The following PRKAR1A variants were observed in gnomAD, a reference collection of about 807,000 sequenced individuals.
PRKAR1A encodes cAMP-dependent protein kinase type I-alpha regulatory subunit.
Under a neutral mutation model 52.0 loss-of-function variants are expected in PRKAR1A, and 3 were observed. The observed-to-expected ratio is 0.06, with a 90% CI of 0.03 to 0.15. The LOEUF is 0.15. PRKAR1A is among the 10% of genes least tolerant of loss of function. The probability of loss-of-function intolerance (pLI) is 1.00; values close to 1 mark genes in which losing one functional copy is unlikely to be tolerated. For synonymous variants in PRKAR1A, 188 were observed against 168.4 expected (o/e 1.12, Z -0.90); for missense variants, 240 against 477.4 (o/e 0.50, Z 4.63).
the PRKAR1A span, among the ~76,000 whole-genome samples, chr17:68,458,094 A>G: frequency 3.3e-5 from 5 of 152,242 alleles, no homozygotes; most frequent in African/African-American, 4.8e-5. Flanking sequence ...CGAGTCCTCA[A>G]GCCGCATTGA....
chr17:68,478,696 AC>A, the PRKAR1A span, among the ~76,000 whole-genome samples: 2 of 150,196 alleles, frequency 1.3e-5, no homozygotes, highest in African/African-American at 4.9e-5. Context: ...GGTGTGTTAA[AC>A]CCTATGGTTT....
chr17:68,430,123 C>G, the PRKAR1A span: 23 of 1,613,916 alleles, frequency 1.4e-5, no homozygotes, highest in Non-Finnish European at 1.9e-5. Flanking sequence ...AACATCTTTC[C>G]CATGTAGCCA....
At chr17:68,505,197 C>T in the PRKAR1A span, among the ~76,000 whole-genome samples, 2 of 152,196 alleles carry the variant, frequency 1.3e-5, no homozygotes, top group Non-Finnish European at 2.9e-5. Flanking sequence ...ACTTGGGAGG[C>T]TGAGGTGGGA....
the PRKAR1A span, among the ~76,000 whole-genome samples, chr17:68,479,640 GTCTTT>G: frequency 1.3e-5 from 2 of 152,030 alleles, no homozygotes; most frequent in Non-Finnish European, 2.9e-5. Context: ...AATTTTATCA[GTCTTT>G]TCTTCAAATT....
At chr17:68,501,515 G>A in the PRKAR1A span, among the ~76,000 whole-genome samples, 3 of 152,290 alleles carry the variant, frequency 2.0e-5, no homozygotes, top group South Asian at 6.2e-4. Flanking sequence ...GAGTGCAGTG[G>A]TATAATCATG....
At chr17:68,420,117 C>A in the PRKAR1A span, 9 of 1,529,658 alleles carry the variant, frequency 5.9e-6, no homozygotes, top group South Asian at 1.2e-5. Context: ...TAGAATCACT[C>A]GCAGCTCTCG....
chr17:68,433,508 C>T, the PRKAR1A span: 175 of 1,613,958 alleles, frequency 1.1e-4, no homozygotes, highest in Middle Eastern at 4.1e-3. Flanking sequence ...TGTACCGTCT[C>T]GGTGTTACTG....
At chr17:68,434,345 C>T in the PRKAR1A span, among the ~76,000 whole-genome samples, 6 of 152,312 alleles carry the variant, frequency 3.9e-5, no homozygotes, top group South Asian at 4.1e-4. Flanking sequence ...GGGACTCTCA[C>T]GGCTGAACTG....
At chr17:68,518,619 A>T (rs1336748717) in intron 2 of PRKAR1A, among the ~76,000 whole-genome samples, 1 of 151,990 alleles carries the variant, frequency 6.6e-6, no homozygotes, top group Admixed American at 6.5e-5. Flanking sequence ...CTAGGAAACC[A>T]TTTTCCCCTC....
chr17:68,506,553 G>A, the PRKAR1A span, among the ~76,000 whole-genome samples: 7 of 151,374 alleles, frequency 4.6e-5, no homozygotes, highest in Non-Finnish European at 7.4e-5. Context: ...GCCCGATTTC[G>A]GCTCACTGCA....
At chr17:68,536,691 T>C (rs1160568203), downstream of PRKAR1A, 1 of 453,986 alleles carries the variant, frequency 2.2e-6, no homozygotes, top group Admixed American at 2.4e-5. Flanking sequence ...CTTGTGTCCC[T>C]GCTAGGCCTG....
chr17:68,458,718 C>T, the PRKAR1A span, among the ~76,000 whole-genome samples: 1 of 152,148 alleles, frequency 6.6e-6, no homozygotes, highest in African/African-American at 2.4e-5. Context: ...ACTGTCAATA[C>T]GGTTTATGAA....
chr17:68,531,433 C>G lies in PRKAR1A; in HGVS notation c.*984C>G, dbSNP rs1169785060. ...GATACAGATGGAGCAAATGTCCTAA[C>G]AGAGAAATAGAGGTGATGCTGCTAA... On this transcript the variant is annotated 3_prime_UTR_variant, in exon 11 of 11. Transcript: ENST00000589228. 2.5e-5 allele frequency: 27 copies of G among 1,065,954 alleles called. No individual in the cohort carries two copies. Among genetic ancestry groups the G allele is most frequent in the Non-Finnish European group, 3.0e-5 (26 of 879,624 alleles). The allele number at this position is 1,065,954 out of a possible 1,614,324, so 66.0% of individuals were successfully genotyped here.
the PRKAR1A span, among the ~76,000 whole-genome samples, chr17:68,445,569 G>T: frequency 2.0e-5 from 3 of 152,066 alleles, 1 homozygote; most frequent in South Asian, 6.2e-4. Context: ...CCTCTCTCTG[G>T]TGCTTGCTCT....
chr17:68,519,022 C>T (rs2085520296), intron 2 of PRKAR1A, among the ~76,000 whole-genome samples: 1 of 152,206 alleles, frequency 6.6e-6, no homozygotes, highest in Non-Finnish European at 1.5e-5. Flanking sequence ...GCCTGGACTT[C>T]ATTGTCCATA....
upstream of PRKAR1A, among the ~76,000 whole-genome samples, chr17:68,507,004 A>G (rs184833436): frequency 2.6e-5 from 4 of 152,214 alleles, 1 homozygote; most frequent in East Asian, 7.7e-4. Flanking sequence ...TCCTGGGGAG[A>G]AAGCCCATTG....
chr17:68,453,775 G>C, the PRKAR1A span, among the ~76,000 whole-genome samples: 1 of 152,078 alleles, frequency 6.6e-6, no homozygotes, highest in African/African-American at 2.4e-5. Flanking sequence ...CCTGGTCTAA[G>C]AAATACACTT....
the PRKAR1A span, among the ~76,000 whole-genome samples, chr17:68,485,400 C>G: frequency 6.6e-6 from 1 of 152,020 alleles, no homozygotes. Flanking sequence ...AGAGAAAGAG[C>G]AAAGTAAAAA....
At chr17:68,536,458 A>T (rs1247616267), downstream of PRKAR1A, 1 of 454,148 alleles carries the variant, frequency 2.2e-6, no homozygotes, top group Admixed American at 2.3e-5. Flanking sequence ...GGAGACAAGG[A>T]ATCCCTACTA....
Sources: gnomAD v4.1 joint callset for allele counts (sites outside exome capture counted in the v4.1 genomes callset) on GRCh38, gnomAD v4.1.1 for gene constraint, MANE v1.5 for transcripts, NCBI Gene and HGNC (gene_info 2026-07-23, HGNC 2026-07-21) for gene names.